Variants in GNA14 observed in about 807,000 individuals in gnomAD.
GNA14 encodes G protein subunit alpha 14.
A neutral mutation model predicts 42.0 loss-of-function variants in GNA14; 50 were observed. The ratio of observed to expected loss-of-function variants is 1.19; its 90% CI spans 0.95 to 1.51. The LOEUF is 1.51. Among genes scored for constraint, GNA14 ranks in the 40% most tolerant of loss-of-function variants. The pLI, the probability that GNA14 is intolerant of heterozygous loss-of-function variation, is 0.00. For synonymous variants in GNA14, 173 were observed against 163.1 expected (o/e 1.06, Z -0.46); for missense variants, 473 against 446.2 (o/e 1.06, Z -0.54).
chr9:77,490,716 C>T, intron 2 of GNA14, among the ~76,000 whole-genome samples: 1 of 152,254 alleles, frequency 6.6e-6, no homozygotes, highest in Middle Eastern at 3.2e-3. Flanking sequence ...GGAACCCCAG[C>T]TGGCCTGCAA....
intron 2 of GNA14, among the ~76,000 whole-genome samples, chr9:77,471,847 T>C (rs1162826946): frequency 6.6e-6 from 1 of 152,128 alleles, no homozygotes; most frequent in Non-Finnish European, 1.5e-5. Flanking sequence ...TCCTCAAATA[T>C]AAGGGGAGCA....
chr9:77,519,684 T>C (rs1262430832), intron 2 of GNA14, among the ~76,000 whole-genome samples: 1 of 152,086 alleles, frequency 6.6e-6, no homozygotes, highest in Non-Finnish European at 1.5e-5. Flanking sequence ...GATTACTTAA[T>C]GGGTACAATG....
At chr9:77,479,803 T>G (rs1013501058) in intron 2 of GNA14, among the ~76,000 whole-genome samples, 10 of 152,110 alleles carry the variant, frequency 6.6e-5, no homozygotes, top group Non-Finnish European at 1.2e-4. Flanking sequence ...TTTTATTCTC[T>G]TTGAAGCAAT....
chr9:77,618,778 C>T (rs1268693851), intron 1 of GNA14, among the ~76,000 whole-genome samples: 2 of 145,230 alleles, frequency 1.4e-5, no homozygotes, highest in African/African-American at 2.5e-5. Context: ...GGACTACAGG[C>T]GCCCGCCACT....
intron 2 of GNA14, among the ~76,000 whole-genome samples, chr9:77,519,279 C>T (rs767316130): frequency 4.6e-5 from 7 of 151,882 alleles, no homozygotes; most frequent in South Asian, 2.1e-4. Context: ...GGCGTGGTGG[C>T]GGGTGCCTGT....
chr9:77,563,788 T>G (rs1822921767), intron 1 of GNA14, among the ~76,000 whole-genome samples: 1 of 152,208 alleles, frequency 6.6e-6, no homozygotes, highest in Non-Finnish European at 1.5e-5. Flanking sequence ...AGAGAATAAC[T>G]TTTTAAGTCT....
At chr9:77,462,614 G>A (rs1054556621) in intron 2 of GNA14, among the ~76,000 whole-genome samples, 4 of 151,746 alleles carry the variant, frequency 2.6e-5, no homozygotes, top group Admixed American at 6.6e-5. Flanking sequence ...CCGGCTACTC[G>A]GGAGGCTGAG....
At chr9:77,527,293 A>G (rs886134552) in intron 2 of GNA14, among the ~76,000 whole-genome samples, 5 of 152,182 alleles carry the variant, frequency 3.3e-5, no homozygotes, top group African/African-American at 1.2e-4. Flanking sequence ...AGATACAGCA[A>G]TGTATAAAGG....
At position 77,467,946 on chromosome 9, in the gene GNA14, A is replaced by G. The variant is rs192636110; in HGVS notation, c.310-33424T>C. 1.9e-3 allele frequency among the ~76,000 whole-genome samples: 292 copies of G among 152,280 alleles called. 2 individuals are homozygous for G. Among genetic ancestry groups the G allele is most frequent in the Middle Eastern group, 3.4e-3 (1 of 294 alleles). ...GCCCCAGATTTGTCTTGACCTATCT[A>G]TGTCTGAATCAAAGCCCTTGACCCA... On this transcript the variant is annotated intron_variant, in intron 2 of 6. Transcript: ENST00000341700.
chr9:77,643,810 CCA>C (rs748460989), intron 1 of GNA14, among the ~76,000 whole-genome samples: 6 of 152,128 alleles, frequency 3.9e-5, no homozygotes, highest in Non-Finnish European at 8.8e-5. Context: ...TCTATGCAAC[CCA>C]CAGTTGGTCA....
At chr9:77,605,671 G>A (rs900376717) in intron 1 of GNA14, among the ~76,000 whole-genome samples, 4 of 152,212 alleles carry the variant, frequency 2.6e-5, no homozygotes, top group Admixed American at 1.3e-4. Flanking sequence ...GCCAGGCACA[G>A]AAAGAGAAAT....
At chr9:77,524,587 T>C (rs180939626) in intron 2 of GNA14, among the ~76,000 whole-genome samples, 39 of 152,338 alleles carry the variant, frequency 2.6e-4, no homozygotes, top group South Asian at 8.3e-4. Flanking sequence ...ATACGATACT[T>C]TGTAAAGAAG....
At chr9:77,520,776 A>AG (rs1429817720) in intron 2 of GNA14, among the ~76,000 whole-genome samples, 2 of 152,130 alleles carry the variant, frequency 1.3e-5, no homozygotes, top group African/African-American at 4.8e-5. Flanking sequence ...TGGCCTCACT[A>AG]GTTTCTGGAT....
chr9:77,587,648 C>T (rs540723332), intron 1 of GNA14, among the ~76,000 whole-genome samples: 1 of 152,032 alleles, frequency 6.6e-6, no homozygotes, highest in African/African-American at 2.4e-5. Context: ...GGATGGGGAG[C>T]GAATGCCTAG....
chr9:77,605,514 A>T (rs779665909), intron 1 of GNA14, among the ~76,000 whole-genome samples: 5 of 152,108 alleles, frequency 3.3e-5, no homozygotes, highest in Non-Finnish European at 7.4e-5. Flanking sequence ...CCTCCTCTAA[A>T]CCAGGTCATA....
intron 1 of GNA14, among the ~76,000 whole-genome samples, chr9:77,606,971 G>C (rs1823653519): frequency 6.6e-6 from 1 of 152,156 alleles, no homozygotes; most frequent in Non-Finnish European, 1.5e-5. Context: ...TGCAGGCAAT[G>C]CAAGCCAGGG....
chr9:77,485,135 A>T (rs781190309), intron 2 of GNA14, among the ~76,000 whole-genome samples: 1 of 152,202 alleles, frequency 6.6e-6, no homozygotes, highest in Non-Finnish European at 1.5e-5. Context: ...TTTTACCTAC[A>T]GTAGAATTTG....
chr9:77,647,885 A>C lies in GNA14; in HGVS notation c.-92T>G. 1 of 1,456,892 alleles carries C rather than the reference A, an allele frequency of 6.9e-7. No homozygotes were observed. Among genetic ancestry groups the C allele is most frequent in the Non-Finnish European group, 9.2e-7 (1 of 1,081,780 alleles). 90.2% of individuals were successfully genotyped at this position (1,456,892 alleles called of 1,614,324 possible). A position where few individuals can be genotyped will look rare whatever the true frequency, so the allele number is the denominator to read the frequency against. ...CTCACCCGGCCAGCATGCGACGGGC[A>C]CAGGGGTGTGGAAAGAAAAGACGGG... On this transcript the variant is annotated 5_prime_UTR_variant, in exon 1 of 7. Coordinates refer to ENST00000341700, the MANE Select transcript of GNA14 (RefSeq NM_004297.4).
intron 2 of GNA14, among the ~76,000 whole-genome samples, chr9:77,493,412 G>A (rs576701647): frequency 5.3e-5 from 8 of 152,178 alleles, no homozygotes; most frequent in African/African-American, 1.9e-4. Context: ...TGTCTGTACT[G>A]TGTACTCTGA....
Sources: gnomAD v4.1 joint callset for allele counts (sites outside exome capture counted in the v4.1 genomes callset) on GRCh38, gnomAD v4.1.1 for gene constraint, MANE v1.5 for transcripts, NCBI Gene and HGNC (gene_info 2026-07-23, HGNC 2026-07-21) for gene names.